Variants in PRDM5 observed in about 807,000 individuals in gnomAD.
PRDM5 encodes PR domain zinc finger protein 5.
Under a neutral mutation model 81.2 loss-of-function variants are expected in PRDM5, and 56 were observed. The observed-to-expected ratio is 0.69, with a 90% CI of 0.56 to 0.86. The LOEUF (loss-of-function observed/expected upper bound fraction) is 0.86, where lower values mean the gene tolerates loss of function less well. PRDM5 is among the 40% of genes least tolerant of loss of function. PRDM5 has a pLI of 0.00. For synonymous variants in PRDM5, 267 were observed against 256.4 expected (o/e 1.04, Z -0.39); for missense variants, 697 against 770.1 (o/e 0.91, Z 1.12).
intron 8 of PRDM5, among the ~76,000 whole-genome samples, chr4:120,806,449 T>C (rs1578811820): frequency 6.6e-6 from 1 of 152,122 alleles, no homozygotes; most frequent in East Asian, 1.9e-4. Flanking sequence ...CTTCAAACTA[T>C]ACTACAAGGC....
At chr4:120,702,395 T>G (rs895947856) in intron 15 of PRDM5, among the ~76,000 whole-genome samples, 1 of 152,216 alleles carries the variant, frequency 6.6e-6, no homozygotes, top group African/African-American at 2.4e-5. Context: ...CTACTCATCC[T>G]TAGGAAGCCC....
intron 14 of PRDM5, among the ~76,000 whole-genome samples, chr4:120,721,883 G>T (rs977731040): frequency 1.3e-5 from 2 of 152,190 alleles, no homozygotes; most frequent in Non-Finnish European, 2.9e-5. Context: ...ATCTGTAAAA[G>T]GTATAATTGC....
intron 2 of PRDM5, among the ~76,000 whole-genome samples, chr4:120,904,734 T>C (rs1765609249): frequency 6.6e-6 from 1 of 152,200 alleles, no homozygotes; most frequent in South Asian, 2.1e-4. Flanking sequence ...CTTTGTTTCC[T>C]ATATGCAAGT....
intron 14 of PRDM5, among the ~76,000 whole-genome samples, chr4:120,738,477 T>G (rs181374422): frequency 4.3e-4 from 66 of 152,336 alleles, no homozygotes; most frequent in African/African-American, 1.5e-3. Flanking sequence ...TGCCATCAGA[T>G]TTTGAAACTA....
intron 14 of PRDM5, among the ~76,000 whole-genome samples, chr4:120,719,595 C>A (rs1299963579): frequency 6.6e-6 from 1 of 152,006 alleles, no homozygotes; most frequent in East Asian, 1.9e-4. Context: ...CTACAATAGA[C>A]CTTATATAAA....
intron 8 of PRDM5, among the ~76,000 whole-genome samples, chr4:120,802,808 C>T (rs919193177): frequency 4.3e-4 from 66 of 152,192 alleles, no homozygotes; most frequent in Non-Finnish European, 1.0e-4. Flanking sequence ...GCTTCTCCCC[C>T]TCCAAAGGAA....
chr4:120,894,946 T>G (rs1764454817), intron 2 of PRDM5, among the ~76,000 whole-genome samples: 1 of 152,190 alleles, frequency 6.6e-6, no homozygotes, highest in South Asian at 2.1e-4. Flanking sequence ...CCATTCTTTC[T>G]CTCCTCTCCT....
intron 3 of PRDM5, chr4:120,839,056 C>T: frequency 1.7e-6 from 1 of 577,408 alleles, no homozygotes; most frequent in Non-Finnish European, 3.1e-6. Context: ...CCAGGGAACA[C>T]AGTGGCATCC....
intron 2 of PRDM5, among the ~76,000 whole-genome samples, chr4:120,890,435 G>A (rs770999502): frequency 5.9e-5 from 9 of 152,280 alleles, no homozygotes; most frequent in Non-Finnish European, 7.4e-5. Flanking sequence ...GACATGATTT[G>A]GGTAGGAACG....
intron 2 of PRDM5, among the ~76,000 whole-genome samples, chr4:120,894,229 A>G (rs1764375348): frequency 6.6e-6 from 1 of 152,182 alleles, no homozygotes; most frequent in Admixed American, 6.5e-5. Flanking sequence ...TACTTAATAA[A>G]TTTACTTACT....
At chr4:120,798,562 C>G (rs572708385) in intron 9 of PRDM5, 138 bp from the exon 10 acceptor site, 170 of 692,410 alleles carry the variant, frequency 2.5e-4, no homozygotes, top group Non-Finnish European at 3.5e-4. Flanking sequence ...ATCTACCATC[C>G]ACATAATAGA....
intron 14 of PRDM5, among the ~76,000 whole-genome samples, chr4:120,748,473 G>A (rs565374035): frequency 1.1e-4 from 17 of 152,062 alleles, no homozygotes; most frequent in East Asian, 3.9e-4. Context: ...GCAAGATCCT[G>A]TCTCCACAAA....
At chr4:120,799,891 A>AC in intron 8 of PRDM5, 146 bp from the exon 9 acceptor site, 1 of 1,372,966 alleles carries the variant, frequency 7.3e-7, no homozygotes, top group Non-Finnish European at 9.6e-7. Context: ...GTTCACACTA[A>AC]CCTATATACA....
chr4:120,735,519 C>T (rs1247452539), intron 14 of PRDM5, among the ~76,000 whole-genome samples: 1 of 152,026 alleles, frequency 6.6e-6, no homozygotes, highest in Non-Finnish European at 1.5e-5. Context: ...TGCTACTGTA[C>T]CCTACTGGGG....
chr4:120,800,392 C>G lies in PRDM5; in HGVS notation c.946-647G>C, dbSNP rs150041126. ...ATTAGCCAGGTGTGATGACATACGT[C>G]TGTGGTCCCAGCTACAAAGGAGGCT... On this transcript the variant is annotated intron_variant, in intron 8 of 15. Transcript: ENST00000264808. 1.2e-3 allele frequency among the ~76,000 whole-genome samples: 190 copies of G among 152,106 alleles called. 1 individual carries two copies. Among genetic ancestry groups the G allele is most frequent in the African/African-American group, 4.3e-3 (180 of 41,492 alleles).
intron 14 of PRDM5, among the ~76,000 whole-genome samples, chr4:120,744,151 G>T (rs1742587821): frequency 6.6e-6 from 1 of 152,158 alleles, no homozygotes; most frequent in East Asian, 1.9e-4. Flanking sequence ...CAACTACATG[G>T]AAACTGAACA....
intron 2 of PRDM5, among the ~76,000 whole-genome samples, chr4:120,878,477 T>C (rs555774080): frequency 6.6e-6 from 1 of 152,192 alleles, no homozygotes; most frequent in East Asian, 1.9e-4. Context: ...GAAAATGACA[T>C]AGGAAAATAT....
intron 2 of PRDM5, among the ~76,000 whole-genome samples, chr4:120,865,600 T>A (rs1240027212): frequency 6.6e-6 from 1 of 152,212 alleles, no homozygotes; most frequent in Non-Finnish European, 1.5e-5. Context: ...GTTATAGCGA[T>A]GCATGGTTGG....
At chr4:120,807,930 C>T (rs1478127387) in intron 8 of PRDM5, among the ~76,000 whole-genome samples, 2 of 151,982 alleles carry the variant, frequency 1.3e-5, no homozygotes, top group African/African-American at 4.8e-5. Context: ...TGCAGACCTT[C>T]GCGGTGAGTG....
Sources: allele counts gnomAD v4.1 joint callset (sites outside exome capture counted in the v4.1 genomes callset), GRCh38; gene constraint gnomAD v4.1.1; transcripts MANE v1.5; gene names NCBI Gene and HGNC (gene_info 2026-07-23, HGNC 2026-07-21).